PCDHA8: variants seen among roughly 807,000 people sequenced by gnomAD.
PCDHA8 encodes protocadherin alpha-8.
PCDHA8 carries 53 observed loss-of-function variants against 61.8 expected under a neutral mutation model. The observed-to-expected ratio is 0.86, with a 90% confidence interval of 0.69 to 1.08. PCDHA8 has a LOEUF of 1.08. Ranked by LOEUF, PCDHA8 falls within the 50% of genes least tolerant of loss-of-function variation. PCDHA8 has a pLI of 0.00. For synonymous variants in PCDHA8, 618 were observed against 556.6 expected, an observed-to-expected ratio of 1.11 and a Z score of -1.55; for missense variants, 1,293 against 1,245.0, an observed-to-expected ratio of 1.04 and a Z score of -0.58.
At chr5:140,977,356 TA>T (rs2096758024) in intron 1 of PCDHA8, among the ~76,000 whole-genome samples, 1 of 152,250 alleles carries the variant, frequency 6.6e-6, no homozygotes, top group South Asian at 2.1e-4. Flanking sequence ...GACTGATTGA[TA>T]AAAAGTATTT....
At chr5:140,947,530 CAATTTCTACAAAG>C (rs2094141786) in intron 1 of PCDHA8, among the ~76,000 whole-genome samples, 1 of 151,588 alleles carries the variant, frequency 6.6e-6, no homozygotes, top group African/African-American at 2.4e-5. Flanking sequence ...ATCAACTTTT[CAATTTCTACAAAG>C]AATTCCGCTG....
At chr5:140,876,876 C>T (rs1439703522) in intron 1 of PCDHA8, 1 of 1,614,012 alleles carries the variant, frequency 6.2e-7, no homozygotes, top group Non-Finnish European at 8.5e-7. Context: ...AGGAGAACAA[C>T]CCGCCGGGCT....
At chr5:140,844,536 C>T (rs945538914) in intron 1 of PCDHA8, among the ~76,000 whole-genome samples, 1 of 149,252 alleles carries the variant, frequency 6.7e-6, no homozygotes, top group South Asian at 2.1e-4. Flanking sequence ...AATCATTCAA[C>T]CCTTTGTTCA....
At chr5:140,866,739 C>T (rs1198771092) in intron 1 of PCDHA8, 5 of 152,124 alleles carry the variant, frequency 3.3e-5, no homozygotes, top group African/African-American at 4.8e-5. Context: ...CACTCTAATA[C>T]TTATATGACT....
At chr5:140,963,952 G>T (rs1466185819) in intron 1 of PCDHA8, among the ~76,000 whole-genome samples, 1 of 152,176 alleles carries the variant, frequency 6.6e-6, no homozygotes, top group Non-Finnish European at 1.5e-5. Context: ...TTAGTCACTG[G>T]CAGGAGTGTG....
rs2150314710 is a variant in PCDHA8, at chr5:140,841,405, C to T, written c.84C>T (p.Ser28=). The T allele has an allele frequency of 2.5e-5, 41 of 1,612,992 alleles. No homozygotes were observed. The highest frequency in any genetic ancestry group is 3.4e-5 in the Non-Finnish European group (40 of 1,179,862). The part of the protein sequence containing the change: ...LLLLAAWKVG[S]GQLHYSVPEE... Reference sequence around the variant, plus strand: ...TCCTCGCAGCCTGGAAGGTGGGGAGCGGCCAGCTCCACTACTCCGTCCCCG... The same window carrying T: ...TCCTCGCAGCCTGGAAGGTGGGGAGTGGCCAGCTCCACTACTCCGTCCCCG... The change falls in exon 1 of 4, where the codon AGC becomes AGT. Residue 28 remains serine (S), a synonymous_variant. Coordinates refer to ENST00000531613, the MANE Select transcript of PCDHA8 (RefSeq NM_018911.3).
At chr5:140,912,511 T>C (rs2075947919) in intron 1 of PCDHA8, among the ~76,000 whole-genome samples, 1 of 152,158 alleles carries the variant, frequency 6.6e-6, no homozygotes, top group Non-Finnish European at 1.5e-5. Context: ...TGGATGAATC[T>C]TTAGGGTTTT....
chr5:140,928,659 C>T (rs782522131), intron 1 of PCDHA8: 2 of 1,614,080 alleles, frequency 1.2e-6, no homozygotes, highest in African/African-American at 2.7e-5. Context: ...AGGATGCTGA[C>T]AGTGGTTCTA....
intron 1 of PCDHA8, chr5:140,877,691 T>G: frequency 6.2e-7 from 1 of 1,613,746 alleles, no homozygotes. Context: ...CCCACGCTGG[T>G]GTGCTCCAGC....
intron 1 of PCDHA8, among the ~76,000 whole-genome samples, chr5:140,977,127 C>T (rs1197401904): frequency 6.6e-6 from 1 of 152,168 alleles, no homozygotes; most frequent in East Asian, 1.9e-4. Flanking sequence ...AACTGAGTTT[C>T]CTGGTCAGTC....
chr5:140,947,020 G>A (rs782772876), intron 1 of PCDHA8, among the ~76,000 whole-genome samples: 3 of 151,616 alleles, frequency 2.0e-5, no homozygotes, highest in Non-Finnish European at 4.4e-5. Flanking sequence ...AATGTTTGAG[G>A]TAATGGATAT....
intron 1 of PCDHA8, among the ~76,000 whole-genome samples, chr5:140,887,546 T>C (rs1554183101): frequency 1.3e-5 from 2 of 152,114 alleles, no homozygotes; most frequent in Non-Finnish European, 2.9e-5. Flanking sequence ...CCACCCCTCA[T>C]GGTTACTGTT....
chr5:140,863,443 C>A (rs1389927128), intron 1 of PCDHA8: 2 of 591,510 alleles, frequency 3.4e-6, no homozygotes, highest in Non-Finnish European at 3.2e-6. Flanking sequence ...TGGTCTTACT[C>A]GCAGCAAAGG....
chr5:140,979,074 C>T, intron 2 of PCDHA8, 67 bp downstream of exon 2: 4 of 1,583,968 alleles, frequency 2.5e-6, no homozygotes, highest in Non-Finnish European at 2.6e-6. Context: ...TAAACTGCAT[C>T]TCCATAGGCC....
intron 1 of PCDHA8, chr5:140,928,482 TG>T (rs782531828): frequency 6.2e-7 from 1 of 1,614,024 alleles, no homozygotes; most frequent in African/African-American, 1.3e-5. Context: ...GCCGGGATGG[TG>T]GCATTCCTCC....
At chr5:140,870,590 G>C in intron 1 of PCDHA8, 1 of 1,613,564 alleles carries the variant, frequency 6.2e-7, no homozygotes, top group Non-Finnish European at 8.5e-7. Context: ...CTGGTGGAGC[G>C]GCGGTTGGGC....
intron 1 of PCDHA8, chr5:140,863,602 T>G: frequency 1.4e-5 from 5 of 354,858 alleles, no homozygotes; most frequent in South Asian, 1.1e-4. Flanking sequence ...TTCATTCCTA[T>G]TAATGTCCCT....
At chr5:140,993,345 C>T (rs557836440) in intron 3 of PCDHA8, among the ~76,000 whole-genome samples, 25 of 152,064 alleles carry the variant, frequency 1.6e-4, no homozygotes, top group African/African-American at 4.3e-4. Context: ...AAGGGCACTA[C>T]GAAGATCCTC....
At chr5:140,979,908 TAA>T (rs782196172) in intron 2 of PCDHA8, among the ~76,000 whole-genome samples, 3 of 152,250 alleles carry the variant, frequency 2.0e-5, no homozygotes, top group Non-Finnish European at 4.4e-5. Context: ...GATCAGTTCG[TAA>T]AGAGAAAGCC....
Sources: allele counts gnomAD v4.1 joint callset (sites outside exome capture counted in the v4.1 genomes callset), GRCh38; gene constraint gnomAD v4.1.1; transcripts MANE v1.5; gene names NCBI Gene and HGNC (gene_info 2026-07-23, HGNC 2026-07-21).